The following PDE6D variants were observed in gnomAD, a reference collection of about 807,000 sequenced individuals.
PDE6D encodes the protein retinal rod rhodopsin-sensitive cGMP 3',5'-cyclic phosphodiesterase subunit delta.
A neutral mutation model predicts 21.9 loss-of-function variants in PDE6D; 10 were observed. The ratio of observed to expected loss-of-function variants is 0.46; its 90% CI spans 0.28 to 0.78. The LOEUF is 0.78. Ranked by LOEUF, PDE6D falls within the 30% of genes least tolerant of loss-of-function variation. The pLI is 0.12. For missense variants in PDE6D, 139 were observed against 184.8 expected (o/e 0.75, Z 1.44); for synonymous variants, 59 against 63.5 (o/e 0.93, Z 0.34).
At chr2:231,736,117 T>A (rs2031873462) in intron 4 of PDE6D, among the ~76,000 whole-genome samples, 1 of 151,410 alleles carries the variant, frequency 6.6e-6, no homozygotes, top group Non-Finnish European at 1.5e-5. Context: ...GCTAGGAAGA[T>A]CACTTGAGCC....
At chr2:231,776,105 G>A (rs1039072317) in intron 1 of PDE6D, among the ~76,000 whole-genome samples, 2 of 152,022 alleles carry the variant, frequency 1.3e-5, no homozygotes, top group Non-Finnish European at 2.9e-5. Context: ...TGGGAGGCCT[G>A]AGGTCAGGAG....
At chr2:231,769,510 GCT>G (rs750870731) in intron 1 of PDE6D, among the ~76,000 whole-genome samples, 4 of 150,886 alleles carry the variant, frequency 2.7e-5, no homozygotes, top group Non-Finnish European at 5.9e-5. Flanking sequence ...CCTACAATTT[GCT>G]CTCTCTCTCT....
chr2:231,775,489 T>TG (rs1368314350), intron 1 of PDE6D, among the ~76,000 whole-genome samples: 12 of 145,464 alleles, frequency 8.2e-5, no homozygotes, highest in South Asian at 4.4e-4. Context: ...TTGTGTGTGT[T>TG]TTTTTTTTTT....
At chr2:231,733,716 T>G (rs1039260319) in intron 4 of PDE6D, among the ~76,000 whole-genome samples, 3 of 152,184 alleles carry the variant, frequency 2.0e-5, no homozygotes, top group African/African-American at 7.2e-5. Context: ...CCTTAGTCTT[T>G]CAGCTCTTGT....
intron 1 of PDE6D, among the ~76,000 whole-genome samples, chr2:231,741,489 C>T (rs1486422841): frequency 6.6e-6 from 1 of 152,120 alleles, no homozygotes; most frequent in East Asian, 1.9e-4. Flanking sequence ...CCCTGAGTGA[C>T]AGTGAAGGAA....
intron 1 of PDE6D, among the ~76,000 whole-genome samples, chr2:231,750,091 T>C (rs2048826041): frequency 6.6e-6 from 1 of 152,132 alleles, no homozygotes; most frequent in Non-Finnish European, 1.5e-5. Flanking sequence ...CTCGTGCTAT[T>C]CTTGTGATAA....
At position 231,781,231 on chromosome 2, in the gene PDE6D, C is replaced by T; in HGVS notation, c.-117G>A. On this transcript the variant is annotated 5_prime_UTR_variant, in exon 1 of 5. Transcript: ENST00000287600. ...CTTGGAGACCTCGGGCTAGCAGCCG[C>T]AGCGGCCAGACCAGGACCGGCCTCT... The T allele has an allele frequency of 1.1e-6, 1 of 949,834 alleles. No individual in the cohort carries two copies. The highest frequency in any genetic ancestry group is 1.7e-6 in the Non-Finnish European group (1 of 603,896). The allele number at this position is 949,834 out of a possible 1,614,324, so 58.8% of individuals were successfully genotyped here. A position where few individuals can be genotyped will look rare whatever the true frequency, so the allele number is the denominator to read the frequency against.
At chr2:231,762,115 A>T (rs2048935451) in intron 1 of PDE6D, among the ~76,000 whole-genome samples, 1 of 152,182 alleles carries the variant, frequency 6.6e-6, no homozygotes, top group African/African-American at 2.4e-5. Context: ...GTATTGAGTT[A>T]TTGAATTTGT....
intron 1 of PDE6D, among the ~76,000 whole-genome samples, chr2:231,773,883 A>G (rs888889333): frequency 3.3e-5 from 5 of 152,202 alleles, no homozygotes; most frequent in Non-Finnish European, 5.9e-5. Flanking sequence ...GGCATTAGTT[A>G]TATCTCAGAG....
At chr2:231,735,302 A>ATTTTT (rs576327627) in intron 4 of PDE6D, among the ~76,000 whole-genome samples, 1 of 132,026 alleles carries the variant, frequency 7.6e-6, no homozygotes, top group Non-Finnish European at 1.6e-5. Context: ...TTCTATTACA[A>ATTTTT]TTTTTTTTTT....
chr2:231,755,420 C>T (rs1053711375), intron 1 of PDE6D, among the ~76,000 whole-genome samples: 5 of 152,162 alleles, frequency 3.3e-5, no homozygotes, highest in African/African-American at 1.2e-4. Flanking sequence ...CATAGGCTCC[C>T]AATTCTGGGG....
chr2:231,780,928 G>C, intron 1 of PDE6D, 137 bp downstream of exon 1: 1 of 769,030 alleles, frequency 1.3e-6, no homozygotes, highest in Admixed American at 2.6e-5. Flanking sequence ...TGCTCGGCAC[G>C]CTGTTCCTTT....
chr2:231,735,542 C>T (rs1373061241), intron 4 of PDE6D, among the ~76,000 whole-genome samples: 1 of 151,288 alleles, frequency 6.6e-6, no homozygotes, highest in Non-Finnish European at 1.5e-5. Flanking sequence ...TCGTGATCCA[C>T]CCGACTTGGC....
At chr2:231,750,555 A>G (rs960646186) in intron 1 of PDE6D, among the ~76,000 whole-genome samples, 1 of 142,306 alleles carries the variant, frequency 7.0e-6, no homozygotes, top group Middle Eastern at 3.8e-3. Flanking sequence ...CCCAGGCTGG[A>G]GTGCGATCTC....
rs1349845469 is a variant in PDE6D at position 231,781,139 on chromosome 2, T to C, written c.-25A>G. On this transcript the variant is annotated 5_prime_UTR_variant, in exon 1 of 5. Transcript: ENST00000287600. ...TGATGCGGCGGTCGCCGCCCGCGGC[T>C]TTCTCACTCTGGTCGGCGGAGCCTC... The C allele has an allele frequency of 1.2e-6, 2 of 1,611,490 alleles. No homozygotes were observed. The highest frequency in any genetic ancestry group is 2.2e-5 in the East Asian group (1 of 44,808).
At chr2:231,764,617 G>A (rs2048955775) in intron 1 of PDE6D, among the ~76,000 whole-genome samples, 1 of 152,180 alleles carries the variant, frequency 6.6e-6, no homozygotes, top group East Asian at 1.9e-4. Flanking sequence ...TATGCCTCAG[G>A]TGAAGAAGTC....
chr2:231,759,625 C>CTA (rs2048910383), intron 1 of PDE6D, among the ~76,000 whole-genome samples: 2 of 152,140 alleles, frequency 1.3e-5, no homozygotes, highest in Non-Finnish European at 2.9e-5. Flanking sequence ...CTGCCAAAAA[C>CTA]ATGTTTGGGA....
intron 2 of PDE6D, among the ~76,000 whole-genome samples, chr2:231,738,367 C>A (rs575818366): frequency 3.9e-5 from 6 of 152,290 alleles, no homozygotes; most frequent in Non-Finnish European, 7.3e-5. Context: ...GATATTAGAT[C>A]TTCAAGGAAC....
At chr2:231,733,707 C>G (rs1371187095) in intron 4 of PDE6D, among the ~76,000 whole-genome samples, 2 of 152,180 alleles carry the variant, frequency 1.3e-5, no homozygotes, top group Non-Finnish European at 2.9e-5. Context: ...AGCTCTCCCC[C>G]TTAGTCTTTC....
Sources: gnomAD v4.1 joint callset for allele counts (sites outside exome capture counted in the v4.1 genomes callset) on GRCh38, gnomAD v4.1.1 for gene constraint, MANE v1.5 for transcripts, NCBI Gene and HGNC (gene_info 2026-07-23, HGNC 2026-07-21) for gene names.